LRP4: variants seen among roughly 807,000 people sequenced by gnomAD.
LRP4 encodes LDL receptor related protein 4.
LRP4 carries 95 observed loss-of-function variants against 220.3 expected under a neutral mutation model. The ratio of observed to expected loss-of-function variants is 0.43; its 90% CI spans 0.37 to 0.51. LRP4 has a LOEUF of 0.51. Among genes scored for constraint, LRP4 ranks in the 20% least tolerant of loss-of-function variants. The pLI is 0.00. For synonymous variants in LRP4, 903 were observed against 954.6 expected (o/e 0.95, Z 1.00); for missense variants, 1,925 against 2,567.0 (o/e 0.75, Z 5.40).
At chr11:46,883,029 GA>G (rs1941199424) in intron 19 of LRP4, among the ~76,000 whole-genome samples, 1 of 151,932 alleles carries the variant, frequency 6.6e-6, no homozygotes, top group Admixed American at 6.6e-5. Flanking sequence ...AGAAAACCTG[GA>G]AAAAAATATC....
At chr11:46,872,995 CA>C in intron 30 of LRP4, 104 bp downstream of exon 30, 1 of 1,473,664 alleles carries the variant, frequency 6.8e-7, no homozygotes, top group East Asian at 2.3e-5. Flanking sequence ...CTCTTCCCCA[CA>C]TACCAAGAAG....
intron 33 of LRP4, 62 bp from the exon 34 acceptor site, chr11:46,868,176 G>A (rs566701301): frequency 1.9e-6 from 3 of 1,603,546 alleles, no homozygotes; most frequent in Non-Finnish European, 2.6e-6. Flanking sequence ...TATGGCCCAA[G>A]AGTAGCAGCT....
intron 35 of LRP4, 106 bp from the exon 36 acceptor site, chr11:46,864,641 CA>C: frequency 1.3e-6 from 1 of 790,514 alleles, no homozygotes; most frequent in Non-Finnish European, 2.2e-6. Context: ...TGTTGGACCC[CA>C]TACCATCTGA....
intron 19 of LRP4, among the ~76,000 whole-genome samples, chr11:46,882,606 C>A (rs983479102): frequency 6.6e-6 from 1 of 152,118 alleles, no homozygotes; most frequent in Non-Finnish European, 1.5e-5. Context: ...AATCCCAACA[C>A]TTTGGGAGGC....
intron 12 of LRP4, 137 bp downstream of exon 12, chr11:46,894,452 T>C: frequency 1.4e-6 from 1 of 705,350 alleles, no homozygotes; most frequent in African/African-American, 1.8e-5. Flanking sequence ...TTTTCTATAT[T>C]AGGGCTCCAA....
intron 16 of LRP4, among the ~76,000 whole-genome samples, 195 bp from the exon 17 acceptor site, chr11:46,886,728 G>A (rs781382086): frequency 5.9e-5 from 9 of 152,128 alleles, no homozygotes; most frequent in Non-Finnish European, 1.0e-4. Context: ...AAATCAAATG[G>A]AAACAGACTC....
chr11:46,902,970 A>C (rs1306152258), intron 1 of LRP4, 41 bp from the exon 2 acceptor site: 1 of 1,612,806 alleles, frequency 6.2e-7, no homozygotes, highest in East Asian at 2.2e-5. Context: ...CTCAGCTCCC[A>C]CTCAACCCAA....
rs745475159 is a variant in LRP4 at position 46,862,615 on chromosome 11, A to G, written c.5376T>C (p.Tyr1792=). 5.0e-6 allele frequency: 8 copies of G among 1,613,978 alleles called. No individual in the cohort carries two copies. Among genetic ancestry groups the G allele is most frequent in the African/African-American group, 4.0e-5 (3 of 74,910 alleles). Residue 1792 remains tyrosine (Y), a synonymous_variant, in exon 37 of 38, where the codon TAT becomes TAC. Transcript: ENST00000378623. ...PKPAMYNQLC[Y]KKEGGPDHNY... is the part of the protein sequence containing the mutation. ...AAATTTCAATTTTTACCTCTTTCTT[A>G]TAGCACAGCTGGTTGTACATGGCTG...
In LRP4 at chr11:46,890,229, C is replaced by A. The variant is rs752604343; in HGVS notation, c.1915+48G>T. On this transcript the variant is annotated intron_variant, in intron 14 of 37. Transcript: ENST00000378623. The surrounding 1 kb of genome is among the most constrained non-coding windows in gnomAD (Gnocchi z 5.3). ...TACCAAGGCTCCTGGGGGGCAGGGACGGGGGCAGGAGGACAAGAGATGAAG... is the reference window on the plus strand; with the variant it reads ...TACCAAGGCTCCTGGGGGGCAGGGAAGGGGGCAGGAGGACAAGAGATGAAG... The A allele has an allele frequency of 2.7e-5, 43 of 1,607,110 alleles. No homozygotes were observed. The highest frequency in any genetic ancestry group is 3.6e-5 in the Non-Finnish European group (42 of 1,174,116).
rs2134837881 is a variant in LRP4 at position 46,889,932 on chromosome 11, G to A, written c.2092+12C>T. The A allele has an allele frequency of 6.2e-7, 1 of 1,614,098 alleles. No homozygotes were observed. The highest frequency in any genetic ancestry group is 8.5e-7 in the Non-Finnish European group (1 of 1,179,986). ...GAGGCTACTTTGGCTCACCCGGTGG[G>A]CAGTTTTTTACCTGCAGGTTGGCGC... is the stretch of plus-strand genomic sequence containing the variant. On this transcript the variant is annotated intron_variant, in intron 15 of 37. Coordinates refer to ENST00000378623, the MANE Select transcript of LRP4 (RefSeq NM_002334.4).
In LRP4 at chr11:46,886,432, G is replaced by C; in HGVS notation, c.2317C>G (p.Arg773Gly). The C allele has an allele frequency of 6.2e-7, 1 of 1,613,898 alleles. No homozygotes were observed. The highest frequency in any genetic ancestry group is 8.5e-7 in the Non-Finnish European group (1 of 1,179,908). Residue 773 changes from arginine to glycine, a missense_variant, in exon 17 of 38, where the codon CGC becomes GGC. Arg to Gly is a moderately radical substitution (Grantham distance 125). Coordinates refer to ENST00000378623, the MANE Select transcript of LRP4 (RefSeq NM_002334.4). ...SDDVIPLADVRSAVALDWDSR... is the reference protein window; with the variant it reads ...SDDVIPLADVGSAVALDWDSR... ...TCCCAGTCAAGGGCCACAGCACTGCGCACGTCAGCCAGTGGGATGACATCA... is the reference window on the plus strand; with the variant it reads ...TCCCAGTCAAGGGCCACAGCACTGCCCACGTCAGCCAGTGGGATGACATCA...
intron 7 of LRP4, 81 bp downstream of exon 7, chr11:46,898,477 C>T (rs1356419049): frequency 1.9e-5 from 30 of 1,594,590 alleles, no homozygotes; most frequent in African/African-American, 1.3e-4. Context: ...TGAGCCACCG[C>T]GCCCAGCCGG....
rs147688807 is a variant in LRP4 at position 46,869,018 on chromosome 11, T to C, written c.4807A>G (p.Ile1603Val). 223 of 1,614,176 alleles carry C rather than the reference T, an allele frequency of 1.4e-4. No individual in the cohort carries two copies. In the African/African-American group the frequency reaches 2.4e-3, roughly 17 times the overall value. The change falls in exon 32 of 38, where the codon ATC becomes GTC. Residue 1603 changes from isoleucine to valine, a missense_variant. Physicochemically the swap from Ile to Val is conservative, Grantham distance 29. Coordinates refer to ENST00000378623, the MANE Select transcript of LRP4 (RefSeq NM_002334.4). ...VLANVEGLMD[I>V]IVVSPQRQTG... ...TGCCGCTGAGGGGAAACCACGATGATATCCATGAGTCCTTCCACATTTGCC... is the reference window on the plus strand; with the variant it reads ...TGCCGCTGAGGGGAAACCACGATGACATCCATGAGTCCTTCCACATTTGCC...
chr11:46,875,168 C>A lies in LRP4; in HGVS notation c.3926-65G>T. On this transcript the variant is annotated intron_variant, in intron 27 of 37. Transcript: ENST00000378623. This position sits in a 1 kb window ranked among gnomAD's most constrained non-coding sequence, Gnocchi z 4.5. ...ACATCATCTGAATCTTACAAAGGTC[C>A]CAGTTGTTTGTGGCTGGCTCTTTGC... 1 of 1,535,702 alleles carries A rather than the reference C, an allele frequency of 6.5e-7. No homozygotes were observed. The highest frequency in any genetic ancestry group is 1.1e-5 in the South Asian group (1 of 87,346).
chr11:46,867,874 G>A, intron 34 of LRP4, 105 bp downstream of exon 34: 1 of 1,378,376 alleles, frequency 7.3e-7, no homozygotes, highest in Non-Finnish European at 1.0e-6. Flanking sequence ...GGTAGCTCCT[G>A]ACATAATCTA....
chr11:46,889,568 A>C, intron 15 of LRP4, 35 bp from the exon 16 acceptor site: 2 of 1,611,106 alleles, frequency 1.2e-6, no homozygotes, highest in South Asian at 1.1e-5. Flanking sequence ...GGATCAGCGA[A>C]GGTCTGCAAA....
chr11:46,861,585 G>A (rs1176557519), intron 37 of LRP4, among the ~76,000 whole-genome samples: 2 of 142,828 alleles, frequency 1.4e-5, no homozygotes, highest in East Asian at 2.2e-4. Context: ...GAGGGTAGTG[G>A]CATGATCACA....
At chr11:46,917,874 C>G (rs999342890) in intron 1 of LRP4, among the ~76,000 whole-genome samples, 2 of 152,122 alleles carry the variant, frequency 1.3e-5, no homozygotes, top group Non-Finnish European at 2.9e-5. Flanking sequence ...GGCCTCTCTC[C>G]GCAACCCGCC....
chr11:46,912,991 AG>A (rs775692545), intron 1 of LRP4, among the ~76,000 whole-genome samples: 28 of 151,990 alleles, frequency 1.8e-4, no homozygotes, highest in Admixed American at 3.3e-4. Flanking sequence ...CATAGAGGTG[AG>A]GGGGAGCTCC....
Sources: allele counts gnomAD v4.1 joint callset (sites outside exome capture counted in the v4.1 genomes callset), GRCh38; gene constraint gnomAD v4.1.1; non-coding constraint Gnocchi (gnomAD v3.1); transcripts MANE v1.5; gene names NCBI Gene and HGNC (gene_info 2026-07-23, HGNC 2026-07-21).